Variants in ZFYVE16 observed in about 807,000 individuals in gnomAD.
ZFYVE16 encodes zinc finger FYVE-type containing 16.
Under a neutral mutation model 138.1 loss-of-function variants are expected in ZFYVE16, and 89 were observed. That is an observed-to-expected ratio of 0.64 (90% CI 0.54 to 0.77). The LOEUF (loss-of-function observed/expected upper bound fraction) is 0.77. Ranked by LOEUF, ZFYVE16 falls within the 30% of genes least tolerant of loss-of-function variation. The probability of loss-of-function intolerance (pLI) is 0.00; values close to 1 mark genes in which losing one functional copy is unlikely to be tolerated. For synonymous variants in ZFYVE16, 596 were observed against 618.3 expected, an observed-to-expected ratio of 0.96 and a Z score of 0.53; for missense variants, 1,793 against 1,786.7, an observed-to-expected ratio of 1.00 and a Z score of -0.06.
intron 1 of ZFYVE16, among the ~76,000 whole-genome samples, chr5:80,419,688 T>G (rs1172328727): frequency 6.6e-6 from 1 of 152,134 alleles, no homozygotes; most frequent in Non-Finnish European, 1.5e-5. Flanking sequence ...ATTCTTTCTC[T>G]TTTCATATAA....
chr5:80,440,212 A>G (rs1190856477), intron 5 of ZFYVE16, 180 bp downstream of exon 5: 5 of 1,216,182 alleles, frequency 4.1e-6, no homozygotes, highest in Non-Finnish European at 4.1e-6. Context: ...CTCACAATTA[A>G]TACTACCAAT....
chr5:80,424,753 C>T (rs1189508626), intron 1 of ZFYVE16, among the ~76,000 whole-genome samples: 4 of 152,180 alleles, frequency 2.6e-5, no homozygotes, highest in Admixed American at 6.5e-5. Flanking sequence ...TGAGCCACCA[C>T]GCCTGGCCTC....
intron 15 of ZFYVE16, among the ~76,000 whole-genome samples, chr5:80,470,102 T>TGTGTGTGTA (rs1491134484): frequency 9.9e-5 from 2 of 20,296 alleles, no homozygotes; most frequent in African/African-American, 1.5e-4. Flanking sequence ...TGTGTGTGTA[T>TGTGTGTGTA]TTTTTTTTTT....
intron 1 of ZFYVE16, among the ~76,000 whole-genome samples, chr5:80,413,447 G>T (rs1745744992): frequency 6.8e-6 from 1 of 147,136 alleles, no homozygotes; most frequent in East Asian, 2.0e-4. Flanking sequence ...CTCCAGCTTG[G>T]GCAACAAGAT....
intron 7 of ZFYVE16, 94 bp downstream of exon 7, chr5:80,445,499 T>TTA: frequency 1.1e-6 from 1 of 931,548 alleles, no homozygotes; most frequent in African/African-American, 1.8e-5. Flanking sequence ...TTTTTTTTTT[T>TTA]AACACTTTGA....
rs1440002435 is a variant in ZFYVE16, at chr5:80,480,024, TA to T, written c.*2650del. On this transcript the variant is annotated 3_prime_UTR_variant, in exon 19 of 19. Coordinates refer to ENST00000505560, the MANE Select transcript of ZFYVE16 (RefSeq NM_001284236.3). ...TCCAGGTGACAGAGAAAATAAAATG[TA>T]AATACTTTTCATGGAAAAGTAATTT... Among the ~76,000 whole-genome samples, 9 of 152,192 alleles carry T rather than the reference TA, an allele frequency of 5.9e-5. No homozygotes were observed. Among genetic ancestry groups the T allele is most frequent in the African/African-American group, 2.2e-4 (9 of 41,456 alleles).
At chr5:80,436,473 G>T (rs1749923817) in intron 3 of ZFYVE16, among the ~76,000 whole-genome samples, 1 of 152,100 alleles carries the variant, frequency 6.6e-6, no homozygotes, top group Admixed American at 6.5e-5. Context: ...TTAAGCAATA[G>T]GGGTGTAAGT....
intron 1 of ZFYVE16, among the ~76,000 whole-genome samples, chr5:80,417,278 G>T (rs1034336586): frequency 1.3e-5 from 2 of 151,910 alleles, no homozygotes; most frequent in African/African-American, 4.8e-5. Flanking sequence ...TTATTCCTAC[G>T]TCCCCTGTGA....
rs989507146 is a variant in ZFYVE16, at chr5:80,481,169, A to G, written c.*3792A>G. ...TTTCCTTGCTCTACATCAATCCCGC[A>G]GCAGTAAAGAGGTATCACTCTTCTC... On this transcript the variant is annotated 3_prime_UTR_variant, in exon 19 of 19. Transcript: ENST00000505560. Among the ~76,000 whole-genome samples the G allele has an allele frequency of 1.6e-4, 25 of 152,150 alleles. No individual in the cohort carries two copies. Among genetic ancestry groups the G allele is most frequent in the Non-Finnish European group, 3.2e-4 (22 of 68,028 alleles).
Position 80,415,868 on chromosome 5 carries a change from A to G in ZFYVE16, c.-94+7715A>G, listed in dbSNP as rs139454663. ...TTTTTAGTAGAGACGGGGTTTCGCC[A>G]TGTTGATTAGGCTGGTCTCCAACTC... On this transcript the variant is annotated intron_variant, in intron 1 of 18. Coordinates refer to ENST00000505560, the MANE Select transcript of ZFYVE16 (RefSeq NM_001284236.3). Among the ~76,000 whole-genome samples, 452 of 152,148 alleles carry G rather than the reference A, an allele frequency of 3.0e-3. 1 individual carries two copies. The highest frequency in any genetic ancestry group is 0.01 in the African/African-American group (432 of 41,512).
chr5:80,460,898 C>T (rs1412300936), intron 15 of ZFYVE16, among the ~76,000 whole-genome samples: 2 of 152,190 alleles, frequency 1.3e-5, no homozygotes, highest in African/African-American at 4.8e-5. Context: ...TCATCACCCA[C>T]CTTTGACTAT....
chr5:80,455,014 A>G (rs1752377736), intron 11 of ZFYVE16: 1 of 152,220 alleles, frequency 6.6e-6, no homozygotes. Context: ...AAGATGTATA[A>G]TGAAAAGATG....
Position 80,436,848 on chromosome 5 carries a change from T to C in ZFYVE16, c.163T>C (p.Leu55=). ...SELASSQRTS[L]LPKDQECVNS... ...GTTGGCTTCCTCACAGCGAACTTCATTGCTCCCAAAAGACCAAGAGTGCGT... is the reference window on the plus strand; with the variant it reads ...GTTGGCTTCCTCACAGCGAACTTCACTGCTCCCAAAAGACCAAGAGTGCGT... Residue 55 remains leucine, a synonymous_variant, in exon 4 of 19, where the codon TTG becomes CTG. Coordinates refer to ENST00000505560, the MANE Select transcript of ZFYVE16 (RefSeq NM_001284236.3). 1 of 1,614,170 alleles carries C rather than the reference T, an allele frequency of 6.2e-7. No individual in the cohort carries two copies. The highest frequency in any genetic ancestry group is 1.6e-4 in the Middle Eastern group (1 of 6,062).
Position 80,438,329 on chromosome 5 carries a change from G to C in ZFYVE16, c.1644G>C (p.Lys548Asn), listed in dbSNP as rs1005221180. Residue 548 changes from lysine (K) to asparagine (N), a missense_variant, in exon 4 of 19, where the codon AAG becomes AAC. Lys to Asn is a moderately conservative substitution (Grantham distance 94, BLOSUM62 0). Around this residue, in one of 2 missense-constraint regions of ZFYVE16, gnomAD observed 1,295 missense variants for 1,204.3 expected, o/e 1.08. Transcript: ENST00000505560. ...TEQYLQTTNIKSFEENVNDSK... is the reference protein window; with the variant it reads ...TEQYLQTTNINSFEENVNDSK... The stretch of plus-strand genomic sequence containing the variant: ...AGTATCTTCAGACCACTAACATAAA[G>C]TCTTTTGAAGAAAATGTAAATGACT... 36 of 1,613,432 alleles carry C rather than the reference G, an allele frequency of 2.2e-5. No homozygotes were observed. The highest frequency in any genetic ancestry group is 3.1e-5 in the Non-Finnish European group (36 of 1,179,872).
intron 5 of ZFYVE16, among the ~76,000 whole-genome samples, chr5:80,442,724 C>A (rs182776688): frequency 6.6e-6 from 1 of 152,110 alleles, no homozygotes; most frequent in Non-Finnish European, 1.5e-5. Flanking sequence ...TAAATTTTCA[C>A]TTTAGGTAGC....
At chr5:80,435,103 C>T (rs991107168) in intron 3 of ZFYVE16, among the ~76,000 whole-genome samples, 4 of 152,112 alleles carry the variant, frequency 2.6e-5, no homozygotes, top group African/African-American at 4.8e-5. Context: ...GGCATGATCT[C>T]GGCTCACTGC....
Position 80,456,506 on chromosome 5 carries a change from T to C in ZFYVE16, c.3736T>C (p.Leu1246=). 6.2e-7 allele frequency: 1 copy of C among 1,613,226 alleles called. No homozygotes were observed. Among genetic ancestry groups the C allele is most frequent in the Non-Finnish European group, 8.5e-7 (1 of 1,179,524 alleles). The change falls in exon 13 of 19, where the codon TTG becomes CTG. Residue 1246 remains leucine (L), a synonymous_variant. Transcript: ENST00000505560. ...QYTLHNIDQL[L]IHMEMGKSCI... is the part of the protein sequence containing the mutation. ...TACCTTGCATAATATAGATCAACTG[T>C]TGATTCATATGGAAATGGGAAAAAG... is the stretch of plus-strand genomic sequence containing the variant.
rs1320770266 is a variant in ZFYVE16 at position 80,451,473 on chromosome 5, T to G, written c.3383-12T>G. On this transcript the variant is annotated splice_polypyrimidine_tract_variant and intron_variant, in intron 10 of 18. Transcript: ENST00000505560. ...CAACTTAAAATCTTTTTACTAATGA[T>G]TTTATTTGCAGGAAAATACATAGAA... 1 of 1,578,730 alleles carries G rather than the reference T, an allele frequency of 6.3e-7. No individual in the cohort carries two copies. Among genetic ancestry groups the G allele is most frequent in the Non-Finnish European group, 8.6e-7 (1 of 1,161,334 alleles).
Position 80,482,573 on chromosome 5 carries a change from C to T in ZFYVE16, c.*5196C>T, listed in dbSNP as rs371805335. ...ATTTACATAGCATTCTATTTAAAGC[C>T]GGTCTGCTGGCACAGCAAATCCCAA... On this transcript the variant is annotated 3_prime_UTR_variant, in exon 19 of 19. Transcript: ENST00000505560. The T allele has an allele frequency of 2.1e-3, 319 of 152,288 alleles. 1 individual carries two copies. The highest frequency in any genetic ancestry group is 7.1e-3 in the African/African-American group (297 of 41,564). 9.4% of individuals were successfully genotyped at this position (152,288 alleles called of 1,614,324 possible).
Sources: allele counts gnomAD v4.1 joint callset (sites outside exome capture counted in the v4.1 genomes callset), GRCh38; gene constraint gnomAD v4.1.1; regional missense constraint gnomAD v4.1.1; transcripts MANE v1.5; gene names NCBI Gene and HGNC (gene_info 2026-07-23, HGNC 2026-07-21).